Variants in LPP observed in about 807,000 individuals in gnomAD.
LPP encodes the protein lipoma-preferred partner.
A neutral mutation model predicts 60.4 loss-of-function variants in LPP; 38 were observed. That is an observed-to-expected ratio of 0.63 (90% CI 0.49 to 0.83). LPP has a LOEUF of 0.83. Among genes scored for constraint, LPP ranks in the 40% least tolerant of loss-of-function variants. LPP has a pLI of 0.00. For missense variants in LPP, 902 were observed against 783.6 expected (o/e 1.15, Z -1.80); for synonymous variants, 328 against 290.8 (o/e 1.13, Z -1.30).
At chr3:188,265,196 G>GTTTGT (rs550816844) in intron 2 of LPP, among the ~76,000 whole-genome samples, 104 of 152,278 alleles carry the variant, frequency 6.8e-4, no homozygotes, top group South Asian at 1.2e-3. Context: ...TATTGTTGTT[G>GTTTGT]TTTGTTTTGT....
chr3:188,520,763 T>C (rs1818652953), intron 5 of LPP, among the ~76,000 whole-genome samples: 1 of 152,164 alleles, frequency 6.6e-6, no homozygotes, highest in Non-Finnish European at 1.5e-5. Flanking sequence ...GTGTGGGGAT[T>C]GTTATAATTA....
At chr3:188,826,685 C>A (rs1199531805) in intron 9 of LPP, among the ~76,000 whole-genome samples, 1 of 152,018 alleles carries the variant, frequency 6.6e-6, no homozygotes, top group African/African-American at 2.4e-5. Flanking sequence ...CCAGCATGTA[C>A]CCTGTTCTTT....
chr3:188,354,391 G>C (rs149560603), intron 3 of LPP, among the ~76,000 whole-genome samples: 1 of 152,076 alleles, frequency 6.6e-6, no homozygotes, highest in Non-Finnish European at 1.5e-5. Flanking sequence ...AGTTGAATAC[G>C]TAAGACAGAG....
Position 188,515,428 on chromosome 3 carries a change from C to A in LPP, c.307-9237C>A, listed in dbSNP as rs115177214. 4.6e-3 allele frequency among the ~76,000 whole-genome samples: 706 copies of A among 152,246 alleles called. 6 individuals carry two copies. Among genetic ancestry groups the A allele is most frequent in the African/African-American group, 0.016 (670 of 41,552 alleles). ...CTTATATAGCCTGCATAGTCATGAGCCAATTTAACCTCTTTTCTTTATAAA... is the reference window on the plus strand; with the variant it reads ...CTTATATAGCCTGCATAGTCATGAGACAATTTAACCTCTTTTCTTTATAAA... On this transcript the variant is annotated intron_variant, in intron 5 of 11. Coordinates refer to ENST00000617246, the MANE Select transcript of LPP (RefSeq NM_001375462.1).
intron 8 of LPP, among the ~76,000 whole-genome samples, chr3:188,757,888 G>GTTTTTTTT: frequency 3.5e-5 from 1 of 28,450 alleles, no homozygotes; most frequent in Non-Finnish European, 7.0e-5. Flanking sequence ...TTGTTTTTTT[G>GTTTTTTTT]GTTTTTTTTT....
intron 1 of LPP, among the ~76,000 whole-genome samples, chr3:188,175,004 CAG>C (rs1304881961): frequency 2.0e-5 from 3 of 152,208 alleles, no homozygotes; most frequent in Non-Finnish European, 4.4e-5. Context: ...ACTTGGCAAA[CAG>C]TGAACATTTG....
rs181837933 is a variant in LPP, at chr3:188,522,210, C to T, written c.307-2455C>T. On this transcript the variant is annotated intron_variant, in intron 5 of 11. Transcript: ENST00000617246. ...TCAGAAAAGTCTAAATTTCAACCAA[C>T]CTGTCATGTCACTCTTTTTCTATTT... Among the ~76,000 whole-genome samples the T allele has an allele frequency of 2.3e-3, 347 of 152,282 alleles. 2 individuals are homozygous for T. Among genetic ancestry groups the T allele is most frequent in the Non-Finnish European group, 3.8e-3 (260 of 68,028 alleles).
intron 7 of LPP, among the ~76,000 whole-genome samples, chr3:188,632,315 C>A (rs935949661): frequency 6.6e-6 from 1 of 152,162 alleles, no homozygotes; most frequent in Non-Finnish European, 1.5e-5. Flanking sequence ...TTAAAGGCCA[C>A]CTTCAGCTGA....
intron 3 of LPP, among the ~76,000 whole-genome samples, chr3:188,368,856 C>T (rs550436607): frequency 6.6e-6 from 1 of 152,034 alleles, no homozygotes. Context: ...TCGGGTCAGT[C>T]CTTTGATACT....
At chr3:188,354,644 A>G (rs1766975808) in intron 3 of LPP, among the ~76,000 whole-genome samples, 1 of 152,174 alleles carries the variant, frequency 6.6e-6, no homozygotes, top group Non-Finnish European at 1.5e-5. Flanking sequence ...ACCAAACACT[A>G]TCTTTATAGT....
At chr3:188,525,775 G>C (rs1274046640) in intron 6 of LPP, among the ~76,000 whole-genome samples, 1 of 152,224 alleles carries the variant, frequency 6.6e-6, no homozygotes, top group Non-Finnish European at 1.5e-5. Flanking sequence ...CCACCAGTTA[G>C]TTTGAATATA....
At chr3:188,650,088 T>G (rs1851801470) in intron 7 of LPP, among the ~76,000 whole-genome samples, 1 of 152,220 alleles carries the variant, frequency 6.6e-6, no homozygotes, top group Admixed American at 6.6e-5. Flanking sequence ...TGTCTGATGT[T>G]TTGCATCCAT....
In LPP at chr3:188,298,877, T is replaced by C. The variant is rs148164708; in HGVS notation, c.-66-42786T>C. 3.5e-3 allele frequency among the ~76,000 whole-genome samples: 532 copies of C among 152,336 alleles called. 1 individual carries two copies. Among genetic ancestry groups the C allele is most frequent in the South Asian group, 0.014 (67 of 4,830 alleles). On this transcript the variant is annotated intron_variant, in intron 2 of 11. Coordinates refer to ENST00000617246, the MANE Select transcript of LPP (RefSeq NM_001375462.1). ...ATGGGTTCTGTTCTAGAAGTTTGCA[T>C]GAGCAGAGGGAAGCTTAGCCCCATG...
chr3:188,257,086 G>T (rs1731919164), intron 2 of LPP, among the ~76,000 whole-genome samples: 1 of 152,190 alleles, frequency 6.6e-6, no homozygotes, highest in African/African-American at 2.4e-5. Context: ...GCCTGATCAT[G>T]TGACCCCATC....
intron 2 of LPP, among the ~76,000 whole-genome samples, chr3:188,236,798 G>A (rs551265998): frequency 7.2e-5 from 11 of 152,266 alleles, no homozygotes; most frequent in African/African-American, 2.2e-4. Flanking sequence ...CTGATGGAGG[G>A]TCTTGCCATG....
At chr3:188,170,329 CTTTTTTT>C (rs34760455) in intron 1 of LPP, among the ~76,000 whole-genome samples, 7 of 96,444 alleles carry the variant, frequency 7.3e-5, no homozygotes, top group African/African-American at 2.9e-4. Context: ...CTTTTCTTTT[CTTTTTTT>C]TTTTTTTTTT....
rs145727027 is a variant in LPP, at chr3:188,201,522, C to T, written c.-189-23883C>T. Among the ~76,000 whole-genome samples the T allele has an allele frequency of 1.5e-4, 23 of 152,110 alleles. No individual in the cohort carries two copies. The Middle Eastern group carries it at 0.01, about 67-fold the overall frequency. ...AGGAGTTCGAGACCAGCCTGGCCAA[C>T]GTGGCAAAACCCCATCTCTACTAAA... On this transcript the variant is annotated intron_variant, in intron 1 of 11. Transcript: ENST00000617246.
At chr3:188,504,195 T>G (rs546335724) in intron 5 of LPP, among the ~76,000 whole-genome samples, 4 of 152,196 alleles carry the variant, frequency 2.6e-5, no homozygotes, top group Non-Finnish European at 5.9e-5. Context: ...AGTTTTCTGA[T>G]TCTTTCTTTT....
chr3:188,692,957 T>A (rs191564953), intron 7 of LPP, among the ~76,000 whole-genome samples: 7 of 152,332 alleles, frequency 4.6e-5, no homozygotes, highest in Admixed American at 3.3e-4. Flanking sequence ...ATGATTTGAT[T>A]AGAAAAAAGA....
Sources: allele counts gnomAD v4.1 joint callset (sites outside exome capture counted in the v4.1 genomes callset), GRCh38; gene constraint gnomAD v4.1.1; transcripts MANE v1.5; gene names NCBI Gene and HGNC (gene_info 2026-07-23, HGNC 2026-07-21).